TMC1: variants seen among roughly 807,000 people sequenced by gnomAD.
TMC1 encodes transmembrane channel-like protein 1.
TMC1 carries 84 observed loss-of-function variants against 105.8 expected under a neutral mutation model. That is an observed-to-expected ratio of 0.79 (90% CI 0.67 to 0.95). The LOEUF is 0.95. Ranked by LOEUF, TMC1 falls within the 40% of genes least tolerant of loss-of-function variation. TMC1 has a pLI of 0.00. For synonymous variants in TMC1, 315 were observed against 311.5 expected, an observed-to-expected ratio of 1.01 and a Z score of -0.12; for missense variants, 817 against 914.1, an observed-to-expected ratio of 0.89 and a Z score of 1.37.
At position 72,700,501 on chromosome 9, in the gene TMC1, CT is replaced by C; in HGVS notation, c.237-11del. On this transcript the variant is annotated splice_polypyrimidine_tract_variant and intron_variant, in intron 7 of 23. Coordinates refer to ENST00000297784, the MANE Select transcript of TMC1 (RefSeq NM_138691.3). ...AAAGCTTAACTTTATTAAGGTGTTTCTTTTTTACTTTTAAAGAGAAGAAGAA... is the reference window on the plus strand; with the variant it reads ...AAAGCTTAACTTTATTAAGGTGTTTCTTTTTACTTTTAAAGAGAAGAAGAA... The C allele has an allele frequency of 1.3e-6, 2 of 1,570,368 alleles. No homozygotes were observed. Among genetic ancestry groups the C allele is most frequent in the East Asian group, 2.3e-5 (1 of 43,182 alleles).
intron 5 of TMC1, among the ~76,000 whole-genome samples, chr9:72,679,501 T>A (rs1826255034): frequency 6.6e-6 from 1 of 152,084 alleles, no homozygotes; most frequent in South Asian, 2.1e-4. Context: ...TAACAAAATA[T>A]CATAGACTAG....
chr9:72,743,799 T>A (rs932462874), intron 10 of TMC1, among the ~76,000 whole-genome samples: 3 of 152,172 alleles, frequency 2.0e-5, no homozygotes, highest in Non-Finnish European at 4.4e-5. Flanking sequence ...ATAAGGCAAG[T>A]AAACATTTTA....
chr9:72,781,269 G>A (rs1315000205), intron 13 of TMC1, among the ~76,000 whole-genome samples: 1 of 152,070 alleles, frequency 6.6e-6, no homozygotes, highest in Non-Finnish European at 1.5e-5. Flanking sequence ...TTTGAAACTA[G>A]TGAGAACAAA....
At chr9:72,591,403 G>A (rs889389735) in intron 2 of TMC1, among the ~76,000 whole-genome samples, 11 of 152,178 alleles carry the variant, frequency 7.2e-5, no homozygotes, top group African/African-American at 2.4e-4. Flanking sequence ...TATAAAGTGT[G>A]TCAGGATTGA....
chr9:72,617,440 G>T (rs542115614), intron 3 of TMC1, among the ~76,000 whole-genome samples: 70 of 152,218 alleles, frequency 4.6e-4, no homozygotes, highest in African/African-American at 1.7e-3. Context: ...GGGATTACAG[G>T]CATGAGCCAT....
At chr9:72,821,615 G>T (rs1181761442) in intron 20 of TMC1, among the ~76,000 whole-genome samples, 1 of 152,216 alleles carries the variant, frequency 6.6e-6, no homozygotes, top group Admixed American at 6.5e-5. Context: ...TCATAAAAGA[G>T]AAAATACTTT....
chr9:72,681,872 T>A (rs890473991), intron 5 of TMC1, among the ~76,000 whole-genome samples: 1 of 152,156 alleles, frequency 6.6e-6, no homozygotes, highest in Non-Finnish European at 1.5e-5. Flanking sequence ...ATTTATCAAC[T>A]ATATTATATT....
chr9:72,522,977 C>A (rs1448652855), intron 1 of TMC1, among the ~76,000 whole-genome samples: 1 of 152,140 alleles, frequency 6.6e-6, no homozygotes, highest in South Asian at 2.1e-4. Context: ...ACCCCCTTCC[C>A]CAGAAGTGAC....
intron 12 of TMC1, among the ~76,000 whole-genome samples, chr9:72,767,296 C>G (rs1461363640): frequency 6.6e-6 from 1 of 152,274 alleles, no homozygotes; most frequent in African/African-American, 2.4e-5. Flanking sequence ...GCAGCTATTA[C>G]AAATTAAAAA....
intron 5 of TMC1, among the ~76,000 whole-genome samples, chr9:72,661,170 G>T (rs1299720227): frequency 6.6e-6 from 1 of 152,074 alleles, no homozygotes; most frequent in Non-Finnish European, 1.5e-5. Flanking sequence ...CAAACAAAAA[G>T]AATGTAAATG....
chr9:72,763,303 G>A (rs913378756), intron 12 of TMC1, among the ~76,000 whole-genome samples: 1 of 151,970 alleles, frequency 6.6e-6, no homozygotes, highest in African/African-American at 2.4e-5. Context: ...AACATTTGTT[G>A]GGCATTTGCC....
At chr9:72,523,831 A>AT (rs1024923069) in intron 1 of TMC1, among the ~76,000 whole-genome samples, 7 of 152,158 alleles carry the variant, frequency 4.6e-5, no homozygotes, top group African/African-American at 1.7e-4. Context: ...AGAACAGAGA[A>AT]TAAAAAAAAA....
At chr9:72,606,982 CATATAT>C (rs144223921) in intron 2 of TMC1, among the ~76,000 whole-genome samples, 2,985 of 142,068 alleles carry the variant, frequency 0.021, 42 homozygotes, top group Middle Eastern at 0.097. Flanking sequence ...TGTGTGTGTG[CATATAT>C]ATATATATAT....
intron 20 of TMC1, among the ~76,000 whole-genome samples, chr9:72,824,040 CCT>C (rs1828913332): frequency 6.6e-6 from 1 of 152,210 alleles, no homozygotes; most frequent in South Asian, 2.1e-4. Flanking sequence ...AGAGGGGCAC[CCT>C]GTCTACTCGG....
chr9:72,710,182 A>G (rs542481350), intron 8 of TMC1, among the ~76,000 whole-genome samples: 14 of 152,156 alleles, frequency 9.2e-5, no homozygotes, highest in African/African-American at 2.6e-4. Flanking sequence ...TTGATTTCCA[A>G]TTTTATTCCA....
At chr9:72,605,536 C>G (rs1824897644) in intron 2 of TMC1, among the ~76,000 whole-genome samples, 1 of 150,640 alleles carries the variant, frequency 6.6e-6, no homozygotes, top group Non-Finnish European at 1.5e-5. Context: ...TTCTGTGTCT[C>G]TTTTTGAGTG....
chr9:72,690,747 C>G (rs1370772421), intron 6 of TMC1, among the ~76,000 whole-genome samples: 2 of 152,070 alleles, frequency 1.3e-5, no homozygotes, highest in East Asian at 3.8e-4. Flanking sequence ...TTTCAAAATT[C>G]TGTCTTTGTC....
chr9:72,590,265 C>T (rs1824615775), intron 2 of TMC1, among the ~76,000 whole-genome samples: 2 of 152,216 alleles, frequency 1.3e-5, no homozygotes, highest in Non-Finnish European at 2.9e-5. Context: ...TATACTCTGA[C>T]AGCCATAAGC....
chr9:72,570,442 C>T (rs185348301), intron 1 of TMC1, among the ~76,000 whole-genome samples: 209 of 151,892 alleles, frequency 1.4e-3, no homozygotes, highest in Middle Eastern at 0.01. Context: ...TTCCAGAGAC[C>T]ACCATCATGA....
Sources: allele counts gnomAD v4.1 joint callset (sites outside exome capture counted in the v4.1 genomes callset), GRCh38; gene constraint gnomAD v4.1.1; transcripts MANE v1.5; gene names NCBI Gene and HGNC (gene_info 2026-07-23, HGNC 2026-07-21).